Variants in NUBPL observed in about 807,000 individuals in gnomAD.
NUBPL encodes the protein iron-sulfur cluster transfer protein NUBPL.
NUBPL carries 31 observed loss-of-function variants against 45.7 expected under a neutral mutation model. That is an observed-to-expected ratio of 0.68 (90% CI 0.51 to 0.92). NUBPL has a LOEUF of 0.92. Among genes scored for constraint, NUBPL ranks in the 40% least tolerant of loss-of-function variants. The probability of loss-of-function intolerance (pLI) is 0.00; values close to 1 mark genes in which losing one functional copy is unlikely to be tolerated. For missense variants in NUBPL, 401 were observed against 398.7 expected, an observed-to-expected ratio of 1.01 and a Z score of -0.05; for synonymous variants, 144 against 140.9, an observed-to-expected ratio of 1.02 and a Z score of -0.15.
intron 8 of NUBPL, among the ~76,000 whole-genome samples, chr14:31,835,200 G>A (rs1452075001): frequency 6.6e-6 from 1 of 152,152 alleles, no homozygotes; most frequent in Non-Finnish European, 1.5e-5. Context: ...GGTAAGGATG[G>A]CTCAAATCAG....
At chr14:31,770,603 A>G (rs28608520) in intron 6 of NUBPL, among the ~76,000 whole-genome samples, 8,425 of 152,264 alleles carry the variant, frequency 0.055, 659 homozygotes, top group African/African-American at 0.18. Context: ...TTACGCCTAC[A>G]TCTTAGCTGA....
At chr14:31,669,709 G>A (rs907110978) in intron 4 of NUBPL, among the ~76,000 whole-genome samples, 3 of 150,502 alleles carry the variant, frequency 2.0e-5, no homozygotes, top group Non-Finnish European at 4.4e-5. Flanking sequence ...GTGAGAACAC[G>A]TGGTATTTGG....
Position 31,798,617 on chromosome 14 carries a change from C to T in NUBPL, c.607+10744C>T, listed in dbSNP as rs1436974543. Among the ~76,000 whole-genome samples the T allele has an allele frequency of 2.7e-5, 4 of 150,762 alleles. No homozygotes were observed. In the East Asian group the frequency reaches 7.8e-4, roughly 29 times the overall value. ...ACCATCCTGGCTAACACGGTGAAAC[C>T]CTGTCTCTACTAAAAAAACAAAAAA... On this transcript the variant is annotated intron_variant, in intron 7 of 10. Coordinates refer to ENST00000281081, the MANE Select transcript of NUBPL (RefSeq NM_025152.3).
At chr14:31,635,514 C>T (rs1203419138) in intron 4 of NUBPL, among the ~76,000 whole-genome samples, 3 of 151,934 alleles carry the variant, frequency 2.0e-5, no homozygotes, top group Non-Finnish European at 4.4e-5. Context: ...AGTTTGAAGT[C>T]AGGTAGTGTG....
intron 6 of NUBPL, among the ~76,000 whole-genome samples, chr14:31,706,787 G>A (rs545321405): frequency 6.6e-6 from 1 of 152,338 alleles, no homozygotes; most frequent in Admixed American, 6.5e-5. Flanking sequence ...GTGTGTGGCA[G>A]TAGGATAATA....
At chr14:31,729,280 C>CCA (rs5807632) in intron 6 of NUBPL, among the ~76,000 whole-genome samples, 3 of 133,926 alleles carry the variant, frequency 2.2e-5, no homozygotes, top group South Asian at 5.3e-4. Flanking sequence ...CTCCATCCCC[C>CCA]CCCCCCCCAA....
intron 4 of NUBPL, among the ~76,000 whole-genome samples, chr14:31,670,371 G>A (rs1004166203): frequency 4.9e-4 from 74 of 151,850 alleles, no homozygotes; most frequent in African/African-American, 1.5e-3. Flanking sequence ...GCTTGATATC[G>A]GACCTTTGTC....
chr14:31,589,334 A>T (rs2034080795), intron 3 of NUBPL, among the ~76,000 whole-genome samples: 1 of 152,102 alleles, frequency 6.6e-6, no homozygotes, highest in African/African-American at 2.4e-5. Flanking sequence ...TTCACTCATG[A>T]TTTAGATGAC....
intron 6 of NUBPL, among the ~76,000 whole-genome samples, chr14:31,774,838 G>C (rs1445562077): frequency 1.3e-5 from 2 of 152,114 alleles, no homozygotes; most frequent in African/African-American, 4.8e-5. Context: ...CCTCCATAGA[G>C]GTTGGGCCTG....
intron 4 of NUBPL, among the ~76,000 whole-genome samples, chr14:31,633,328 C>A (rs978935142): frequency 6.6e-6 from 1 of 152,118 alleles, no homozygotes; most frequent in Non-Finnish European, 1.5e-5. Context: ...AAACATATAA[C>A]GTATTCTAAA....
intron 9 of NUBPL, among the ~76,000 whole-genome samples, chr14:31,848,513 C>T (rs1195010754): frequency 1.2e-4 from 18 of 152,148 alleles, no homozygotes; most frequent in Admixed American, 1.2e-3. Context: ...CCTACAGGGA[C>T]AGTTTATGCA....
At chr14:31,722,322 T>C (rs2037828719) in intron 6 of NUBPL, among the ~76,000 whole-genome samples, 1 of 152,214 alleles carries the variant, frequency 6.6e-6, no homozygotes, top group Non-Finnish European at 1.5e-5. Context: ...GTACCACATT[T>C]TATTTATTCA....
intron 4 of NUBPL, among the ~76,000 whole-genome samples, chr14:31,605,768 C>A (rs938288952): frequency 3.0e-4 from 46 of 151,094 alleles, no homozygotes; most frequent in Non-Finnish European, 4.1e-4. Flanking sequence ...CCTTCTCCTT[C>A]TCCTTCTTCT....
At chr14:31,856,901 G>A (rs1055037404) in intron 10 of NUBPL, among the ~76,000 whole-genome samples, 8 of 152,284 alleles carry the variant, frequency 5.3e-5, no homozygotes, top group South Asian at 2.1e-4. Flanking sequence ...CAGGCACACT[G>A]TACAAGTTGT....
At chr14:31,774,337 A>T (rs1023052445) in intron 6 of NUBPL, among the ~76,000 whole-genome samples, 3 of 152,204 alleles carry the variant, frequency 2.0e-5, no homozygotes, top group Non-Finnish European at 4.4e-5. Flanking sequence ...TGATTGTGGG[A>T]AACTGCTTGT....
intron 3 of NUBPL, among the ~76,000 whole-genome samples, chr14:31,589,379 T>A (rs1391414828): frequency 6.6e-6 from 1 of 152,150 alleles, no homozygotes; most frequent in African/African-American, 2.4e-5. Context: ...AATCCTCAAG[T>A]TTCATACATT....
intron 7 of NUBPL, among the ~76,000 whole-genome samples, chr14:31,810,362 C>T (rs1361369528): frequency 6.6e-6 from 1 of 152,092 alleles, no homozygotes; most frequent in Non-Finnish European, 1.5e-5. Context: ...TTCCCTTTAC[C>T]ATTATGTAAT....
chr14:31,859,183 C>A lies in NUBPL; in HGVS notation c.*3C>A. On this transcript the variant is annotated 3_prime_UTR_variant, in exon 11 of 11. Transcript: ENST00000281081. ...GATTGCCATCACCTTCAGAATGATTCCCCAAGTGTCCTGGAAATTTGCCTG... is the reference window on the plus strand; with the variant it reads ...GATTGCCATCACCTTCAGAATGATTACCCAAGTGTCCTGGAAATTTGCCTG... 6.2e-7 allele frequency: 1 copy of A among 1,613,094 alleles called. No individual in the cohort carries two copies. Among genetic ancestry groups the A allele is most frequent in the South Asian group, 1.1e-5 (1 of 91,042 alleles).
chr14:31,643,818 T>C (rs1410733901), intron 4 of NUBPL, among the ~76,000 whole-genome samples: 1 of 152,120 alleles, frequency 6.6e-6, no homozygotes, highest in African/African-American at 2.4e-5. Context: ...GGCATTGATC[T>C]CATTACTTAT....
Sources: allele counts gnomAD v4.1 joint callset (sites outside exome capture counted in the v4.1 genomes callset), GRCh38; gene constraint gnomAD v4.1.1; transcripts MANE v1.5; gene names NCBI Gene and HGNC (gene_info 2026-07-23, HGNC 2026-07-21).